Variants in RUNDC3B observed in about 807,000 individuals in gnomAD.
RUNDC3B encodes the protein RUN domain containing 3B, also known as RUN domain-containing protein 3B.
Under a neutral mutation model 58.4 loss-of-function variants are expected in RUNDC3B, and 33 were observed. That is an observed-to-expected ratio of 0.56 (90% CI 0.43 to 0.75). The LOEUF (loss-of-function observed/expected upper bound fraction) is 0.75. Among genes scored for constraint, RUNDC3B ranks in the 30% least tolerant of loss-of-function variants. RUNDC3B has a pLI of 0.00. For missense variants in RUNDC3B, 501 were observed against 535.7 expected, an observed-to-expected ratio of 0.94 and a Z score of 0.64; for synonymous variants, 193 against 195.2, an observed-to-expected ratio of 0.99 and a Z score of 0.10.
intron 6 of RUNDC3B, among the ~76,000 whole-genome samples, chr7:87,764,933 A>G (rs1291634477): frequency 1.3e-5 from 2 of 151,682 alleles, no homozygotes; most frequent in Non-Finnish European, 3.0e-5. Context: ...ATCTGGTCCT[A>G]TGCTCTTTTT....
chr7:87,793,880 A>T (rs570426933), intron 8 of RUNDC3B, among the ~76,000 whole-genome samples: 2 of 152,278 alleles, frequency 1.3e-5, no homozygotes, highest in African/African-American at 4.8e-5. Context: ...AGTTGGAAAG[A>T]AAAAGGTCCA....
chr7:87,705,341 G>A (rs932948261), intron 3 of RUNDC3B, among the ~76,000 whole-genome samples: 9 of 152,168 alleles, frequency 5.9e-5, no homozygotes, highest in Admixed American at 1.3e-4. Flanking sequence ...CAGGAGAATC[G>A]CTTGAACCCA....
chr7:87,756,324 A>G (rs1311886758), intron 6 of RUNDC3B, among the ~76,000 whole-genome samples: 1 of 151,952 alleles, frequency 6.6e-6, no homozygotes, highest in South Asian at 2.1e-4. Flanking sequence ...CTGTTAAGAT[A>G]TTTTTATTTA....
At chr7:87,770,047 C>T (rs923952338) in intron 6 of RUNDC3B, among the ~76,000 whole-genome samples, 5 of 151,914 alleles carry the variant, frequency 3.3e-5, no homozygotes, top group African/African-American at 1.2e-4. Context: ...CCTTGTTCCC[C>T]TCAGTAGGAA....
intron 8 of RUNDC3B, among the ~76,000 whole-genome samples, chr7:87,803,478 A>G (rs1369336074): frequency 6.6e-6 from 1 of 152,238 alleles, no homozygotes; most frequent in Non-Finnish European, 1.5e-5. Context: ...ACAAAATTTT[A>G]CTTTCAAATG....
At chr7:87,730,207 A>T (rs1235467077) in intron 4 of RUNDC3B, among the ~76,000 whole-genome samples, 1 of 152,150 alleles carries the variant, frequency 6.6e-6, no homozygotes, top group East Asian at 1.9e-4. Flanking sequence ...ACAGAGAATG[A>T]ATGCAGGGGA....
At chr7:87,740,689 C>A (rs1832266849) in intron 5 of RUNDC3B, among the ~76,000 whole-genome samples, 1 of 152,108 alleles carries the variant, frequency 6.6e-6, no homozygotes, top group Admixed American at 6.5e-5. Flanking sequence ...TAGTAAAGCA[C>A]TTCCTTTTCT....
intron 1 of RUNDC3B, among the ~76,000 whole-genome samples, chr7:87,641,660 C>T (rs565073236): frequency 6.6e-6 from 1 of 152,274 alleles, no homozygotes; most frequent in African/African-American, 2.4e-5. Context: ...TTTACTCTGA[C>T]ACTAGATTGC....
intron 6 of RUNDC3B, among the ~76,000 whole-genome samples, chr7:87,746,812 T>A (rs1265246437): frequency 6.6e-6 from 1 of 152,248 alleles, no homozygotes; most frequent in Non-Finnish European, 1.5e-5. Flanking sequence ...TTACATTCAA[T>A]GTCAGTATTG....
chr7:87,655,623 T>C (rs931734560), intron 2 of RUNDC3B, among the ~76,000 whole-genome samples: 3 of 152,060 alleles, frequency 2.0e-5, no homozygotes, highest in Non-Finnish European at 2.9e-5. Flanking sequence ...TAAAAGGAAA[T>C]AAGTTCAAGA....
At chr7:87,668,271 T>C (rs1443204717) in intron 2 of RUNDC3B, among the ~76,000 whole-genome samples, 2 of 152,018 alleles carry the variant, frequency 1.3e-5, no homozygotes, top group African/African-American at 4.8e-5. Context: ...AGTTTGTGTA[T>C]GTAGAGGTGT....
At position 87,807,474 on chromosome 7, in the gene RUNDC3B, C is replaced by G. The variant is rs780582673; in HGVS notation, c.1058C>G (p.Ala353Gly). 1.2e-6 allele frequency: 2 copies of G among 1,613,544 alleles called. No homozygotes were observed. Among genetic ancestry groups the G allele is most frequent in the African/African-American group, 1.3e-5 (1 of 74,982 alleles). The change falls in exon 9 of 11, where the codon GCC becomes GGC. Residue 353 changes from alanine to glycine, a missense_variant. Physicochemically the swap from Ala to Gly is moderately conservative, Grantham distance 60 (BLOSUM62 0). Transcript: ENST00000394654. ...GGAGCTCTGGATGTCAATGCTGTTG[C>G]CTTGGATACGTTGCTTTACCGAAAA... The part of the protein sequence containing the change: ...SPGALDVNAV[A>G]LDTLLYRKHN...
At chr7:87,784,053 T>A (rs926165237) in intron 8 of RUNDC3B, among the ~76,000 whole-genome samples, 1 of 152,222 alleles carries the variant, frequency 6.6e-6, no homozygotes, top group Admixed American at 6.5e-5. Flanking sequence ...ACCTATCTAG[T>A]GAGATCAGGG....
At chr7:87,819,260 ACC>A (rs1837265970) in intron 10 of RUNDC3B, among the ~76,000 whole-genome samples, 1 of 152,146 alleles carries the variant, frequency 6.6e-6, no homozygotes, top group Non-Finnish European at 1.5e-5. Flanking sequence ...GTACTTAAGC[ACC>A]CAGGGTACAC....
At chr7:87,700,576 C>A in intron 3 of RUNDC3B, 22 bp downstream of exon 3, 6 of 1,582,342 alleles carry the variant, frequency 3.8e-6, no homozygotes, top group Admixed American at 1.9e-5. Context: ...GTCAGAGACT[C>A]GTTTCTATTT....
chr7:87,671,864 CT>C (rs1272410383), intron 2 of RUNDC3B, among the ~76,000 whole-genome samples: 3 of 152,226 alleles, frequency 2.0e-5, no homozygotes, highest in Non-Finnish European at 2.9e-5. Flanking sequence ...GCCACTCCCC[CT>C]GGGAGCACTG....
chr7:87,755,325 G>C (rs1273885477), intron 6 of RUNDC3B, among the ~76,000 whole-genome samples: 2 of 151,980 alleles, frequency 1.3e-5, no homozygotes, highest in Non-Finnish European at 2.9e-5. Context: ...CTGGCCAGCT[G>C]ATACCATTTC....
intron 2 of RUNDC3B, among the ~76,000 whole-genome samples, chr7:87,680,469 A>T (rs1826813534): frequency 6.6e-6 from 1 of 150,888 alleles, no homozygotes; most frequent in South Asian, 2.1e-4. Flanking sequence ...GAATTGTCTG[A>T]AATCAGTAAC....
chr7:87,828,206 ACTGT>A (rs1837939045), intron 10 of RUNDC3B, among the ~76,000 whole-genome samples: 1 of 152,128 alleles, frequency 6.6e-6, no homozygotes, highest in Non-Finnish European at 1.5e-5. Flanking sequence ...TAATTATTAT[ACTGT>A]CTTTTTTAAA....
Sources: gnomAD v4.1 joint callset for allele counts (sites outside exome capture counted in the v4.1 genomes callset) on GRCh38, gnomAD v4.1.1 for gene constraint, MANE v1.5 for transcripts, NCBI Gene and HGNC (gene_info 2026-07-23, HGNC 2026-07-21) for gene names.